The following GRIA4 variants were observed in gnomAD, a reference collection of about 807,000 sequenced individuals.
GRIA4 encodes the protein glutamate receptor 4.
A neutral mutation model predicts 104.0 loss-of-function variants in GRIA4; 34 were observed. The ratio of observed to expected loss-of-function variants is 0.33; its 90% CI spans 0.25 to 0.44. The LOEUF (loss-of-function observed/expected upper bound fraction) is 0.44, where lower values mean the gene tolerates loss of function less well. Among genes scored for constraint, GRIA4 ranks in the 20% least tolerant of loss-of-function variants. The probability of loss-of-function intolerance (pLI) is 1.00; values close to 1 mark genes in which losing one functional copy is unlikely to be tolerated. For synonymous variants in GRIA4, 386 were observed against 381.9 expected (o/e 1.01, Z -0.13); for missense variants, 750 against 1,096.5 (o/e 0.68, Z 4.46).
intron 15 of GRIA4, among the ~76,000 whole-genome samples, chr11:105,972,432 T>C (rs1858746061): frequency 6.6e-6 from 1 of 152,026 alleles, no homozygotes; most frequent in Admixed American, 6.6e-5. Context: ...AAAAAGGAGA[T>C]TCTAAATATT....
At chr11:105,680,527 TG>T (rs1444153570) in intron 3 of GRIA4, among the ~76,000 whole-genome samples, 1 of 152,118 alleles carries the variant, frequency 6.6e-6, no homozygotes, top group Non-Finnish European at 1.5e-5. Flanking sequence ...TAGTGGTTTT[TG>T]TGTGTATGGG....
At chr11:105,822,932 T>C (rs959519352) in intron 4 of GRIA4, among the ~76,000 whole-genome samples, 26 of 152,154 alleles carry the variant, frequency 1.7e-4, no homozygotes, top group South Asian at 1.0e-3. Context: ...TTTAATACAA[T>C]TGATGCTTCT....
intron 3 of GRIA4, among the ~76,000 whole-genome samples, chr11:105,655,420 T>C (rs1344100059): frequency 2.0e-5 from 3 of 152,130 alleles, no homozygotes; most frequent in Non-Finnish European, 1.5e-5. Context: ...ACATGTACCA[T>C]GGTGGTTTGC....
chr11:105,838,946 C>G (rs1041190216), intron 4 of GRIA4, among the ~76,000 whole-genome samples: 16 of 152,142 alleles, frequency 1.1e-4, no homozygotes, highest in Middle Eastern at 3.2e-3. Context: ...GCTAACACAG[C>G]TTACTTTTTT....
intron 4 of GRIA4, among the ~76,000 whole-genome samples, chr11:105,803,987 G>A (rs1034035114): frequency 2.0e-5 from 3 of 151,620 alleles, no homozygotes; most frequent in Non-Finnish European, 4.4e-5. Context: ...ATTTGAAGAG[G>A]AGAAGAATGA....
chr11:105,790,816 T>C (rs75499273), intron 4 of GRIA4, among the ~76,000 whole-genome samples: 3,792 of 152,276 alleles, frequency 0.025, 103 homozygotes, highest in African/African-American at 0.061. Flanking sequence ...GTCTGGAAAA[T>C]GCGAGTTAAA....
chr11:105,745,432 T>G (rs927572353), intron 3 of GRIA4, among the ~76,000 whole-genome samples: 1 of 152,180 alleles, frequency 6.6e-6, no homozygotes, highest in African/African-American at 2.4e-5. Context: ...TTCTTGAGTT[T>G]CCATCCATGT....
intron 1 of GRIA4, 200 bp from the exon 2 acceptor site, chr11:105,610,708 C>T (rs1950448798): frequency 2.7e-6 from 1 of 370,272 alleles, no homozygotes. Flanking sequence ...CCACCACCAT[C>T]TTTTGCATGT....
chr11:105,938,486 T>G (rs1386604007), intron 14 of GRIA4, among the ~76,000 whole-genome samples: 2 of 152,204 alleles, frequency 1.3e-5, no homozygotes, highest in Non-Finnish European at 1.5e-5. Context: ...GTTGTGGAAA[T>G]TAGTTGCAGT....
In GRIA4 at chr11:105,796,654, G is replaced by A. The variant is rs556099756; in HGVS notation, c.487+43434G>A. ...AGTTATCTGTAGTTTATTCATATGG[G>A]AAACTAAGAAAGTAACATTAAGAAA... On this transcript the variant is annotated intron_variant, in intron 4 of 16. Coordinates refer to ENST00000282499, the MANE Select transcript of GRIA4 (RefSeq NM_000829.4). Among the ~76,000 whole-genome samples, 9 of 152,206 alleles carry A rather than the reference G, an allele frequency of 5.9e-5. 1 individual carries two copies. In the South Asian group the frequency reaches 1.9e-3, roughly 32 times the overall value.
At chr11:105,760,042 G>C (rs930044597) in intron 4 of GRIA4, among the ~76,000 whole-genome samples, 9 of 151,980 alleles carry the variant, frequency 5.9e-5, no homozygotes, top group African/African-American at 2.2e-4. Context: ...TCTGTATTTA[G>C]AACTCATTCC....
intron 7 of GRIA4, among the ~76,000 whole-genome samples, chr11:105,898,851 G>A (rs190091115): frequency 1.2e-4 from 12 of 102,700 alleles, no homozygotes; most frequent in South Asian, 2.7e-4. Flanking sequence ...TCAAATTAAC[G>A]TGAAAAATCA....
At chr11:105,620,005 A>G (rs543246057) in intron 3 of GRIA4, among the ~76,000 whole-genome samples, 33 of 151,926 alleles carry the variant, frequency 2.2e-4, no homozygotes, top group Non-Finnish European at 4.6e-4. Context: ...TTGTCATCCT[A>G]TAATTTTTAT....
chr11:105,752,882 T>G, intron 3 of GRIA4, 99 bp from the exon 4 acceptor site: 1 of 1,081,412 alleles, frequency 9.2e-7, no homozygotes, highest in East Asian at 2.4e-5. Flanking sequence ...ATCCAATGAT[T>G]CAGTGATTTT....
At chr11:105,643,217 A>C (rs1283327565) in intron 3 of GRIA4, among the ~76,000 whole-genome samples, 1 of 152,174 alleles carries the variant, frequency 6.6e-6, no homozygotes, top group Non-Finnish European at 1.5e-5. Context: ...CATATCTTAT[A>C]TTTTATTTCA....
At chr11:105,851,608 GT>G (rs1352661449) in intron 4 of GRIA4, among the ~76,000 whole-genome samples, 6 of 152,200 alleles carry the variant, frequency 3.9e-5, no homozygotes, top group African/African-American at 1.4e-4. Context: ...TTGCCAGTGA[GT>G]GTAGGGCATA....
At chr11:105,700,420 A>G (rs1324909871) in intron 3 of GRIA4, among the ~76,000 whole-genome samples, 1 of 152,160 alleles carries the variant, frequency 6.6e-6, no homozygotes, top group East Asian at 1.9e-4. Flanking sequence ...CATCCCTATT[A>G]GTAGTTCCAA....
In GRIA4 at chr11:105,693,646, G is replaced by A. The variant is rs74496605; in HGVS notation, c.248-59335G>A. 3.8e-3 allele frequency among the ~76,000 whole-genome samples: 573 copies of A among 152,208 alleles called. 7 individuals carry two copies. Among genetic ancestry groups the A allele is most frequent in the African/African-American group, 0.013 (531 of 41,536 alleles). ...GTTTACATTTTTGATCATTGTAAAC[G>A]CTAACAGAGCACAAGTATTCATATT... On this transcript the variant is annotated intron_variant, in intron 3 of 16. Coordinates refer to ENST00000282499, the MANE Select transcript of GRIA4 (RefSeq NM_000829.4).
At chr11:105,938,828 T>C (rs1041605030) in intron 14 of GRIA4, among the ~76,000 whole-genome samples, 1 of 152,144 alleles carries the variant, frequency 6.6e-6, no homozygotes, top group African/African-American at 2.4e-5. Context: ...CATCGCATGG[T>C]AAAGGTATCA....
Sources: gnomAD v4.1 joint callset for allele counts (sites outside exome capture counted in the v4.1 genomes callset) on GRCh38, gnomAD v4.1.1 for gene constraint, MANE v1.5 for transcripts, NCBI Gene and HGNC (gene_info 2026-07-23, HGNC 2026-07-21) for gene names.